Variants in PPM1E observed in about 807,000 individuals in gnomAD.
The protein encoded by PPM1E is protein phosphatase 1E.
PPM1E carries 20 observed loss-of-function variants against 65.9 expected under a neutral mutation model. The ratio of observed to expected loss-of-function variants is 0.30; its 90% confidence interval spans 0.21 to 0.44. The LOEUF (loss-of-function observed/expected upper bound fraction) is 0.44, where lower values mean the gene tolerates loss of function less well. PPM1E is among the 20% of genes least tolerant of loss of function. The pLI, the probability that PPM1E is intolerant of heterozygous loss-of-function variation, is 1.00. For synonymous variants in PPM1E, 352 were observed against 374.9 expected (o/e 0.94, Z 0.70); for missense variants, 713 against 953.1 (o/e 0.75, Z 3.32).
At chr17:58,907,252 A>AG (rs1417915462) in intron 1 of PPM1E, among the ~76,000 whole-genome samples, 1 of 152,170 alleles carries the variant, frequency 6.6e-6, no homozygotes, top group Non-Finnish European at 1.5e-5. Flanking sequence ...TCTAAAAAAA[A>AG]AAAAGAAAGA....
chr17:58,865,408 A>G (rs2050990664), intron 1 of PPM1E, among the ~76,000 whole-genome samples: 1 of 151,760 alleles, frequency 6.6e-6, no homozygotes, highest in African/African-American at 2.4e-5. Flanking sequence ...AAAACAAAAA[A>G]GATTATGCAA....
At chr17:58,845,265 A>T (rs1202330714) in intron 1 of PPM1E, among the ~76,000 whole-genome samples, 1 of 147,856 alleles carries the variant, frequency 6.8e-6, no homozygotes, top group African/African-American at 2.5e-5. Flanking sequence ...TTACAGATTC[A>T]TTCCTCTACA....
At chr17:58,821,034 A>G (rs1036013631) in intron 1 of PPM1E, among the ~76,000 whole-genome samples, 2 of 152,208 alleles carry the variant, frequency 1.3e-5, no homozygotes, top group African/African-American at 4.8e-5. Flanking sequence ...AGTTGTTCAC[A>G]TAAGTGATTA....
intron 1 of PPM1E, among the ~76,000 whole-genome samples, chr17:58,800,768 T>A (rs916133579): frequency 6.6e-6 from 1 of 152,170 alleles, no homozygotes; most frequent in Non-Finnish European, 1.5e-5. Context: ...GGTGATATCC[T>A]CTTTTATTCC....
At position 58,984,487 on chromosome 17, in the gene PPM1E, A is replaced by G. The variant is rs1209060208; in HGVS notation, c.*3456A>G. ...TAAACCTAATTTATTCACTCAGTGA[A>G]CATTCTTACCTAAGCAAGGCTATAA... On this transcript the variant is annotated 3_prime_UTR_variant, in exon 7 of 7. Coordinates refer to ENST00000308249, the MANE Select transcript of PPM1E (RefSeq NM_014906.5). The G allele has an allele frequency of 6.6e-6, 1 of 152,650 alleles. No homozygotes were observed. Among genetic ancestry groups the G allele is most frequent in the Non-Finnish European group, 1.5e-5 (1 of 68,044 alleles). The allele number at this position is 152,650 out of a possible 1,614,324, so 9.5% of individuals were successfully genotyped here.
At chr17:58,892,058 A>G (rs544951397) in intron 1 of PPM1E, among the ~76,000 whole-genome samples, 1 of 151,770 alleles carries the variant, frequency 6.6e-6, no homozygotes, top group East Asian at 1.9e-4. Context: ...CTGGTCTCAA[A>G]CTCCTGGACT....
At chr17:58,958,264 G>T (rs2029914784) in intron 2 of PPM1E, among the ~76,000 whole-genome samples, 1 of 151,490 alleles carries the variant, frequency 6.6e-6, no homozygotes, top group Non-Finnish European at 1.5e-5. Context: ...AGGCTGGAGG[G>T]CTGTGGGATG....
chr17:58,965,577 T>C, intron 2 of PPM1E, 117 bp from the exon 3 acceptor site: 1 of 962,296 alleles, frequency 1.0e-6, no homozygotes, highest in Non-Finnish European at 1.6e-6. Flanking sequence ...GAAGGATGAA[T>C]TTCTTCTATG....
intron 1 of PPM1E, among the ~76,000 whole-genome samples, chr17:58,768,367 A>G (rs761106739): frequency 2.0e-5 from 3 of 152,106 alleles, no homozygotes; most frequent in Non-Finnish European, 4.4e-5. Context: ...GGTATGAGCT[A>G]CCTTGCCTGG....
intron 1 of PPM1E, among the ~76,000 whole-genome samples, chr17:58,929,189 A>G (rs1008229207): frequency 6.6e-6 from 1 of 152,184 alleles, no homozygotes; most frequent in African/African-American, 2.4e-5. Context: ...TTGCTGAGTA[A>G]AAGAAGCCTT....
At chr17:58,767,805 G>A (rs554967076) in intron 1 of PPM1E, among the ~76,000 whole-genome samples, 1 of 152,074 alleles carries the variant, frequency 6.6e-6, no homozygotes, top group South Asian at 2.1e-4. Context: ...ACCACGCTGG[G>A]CTAATTTTGT....
chr17:58,854,557 G>A (rs1268200386), intron 1 of PPM1E, among the ~76,000 whole-genome samples: 2 of 151,962 alleles, frequency 1.3e-5, no homozygotes, highest in Non-Finnish European at 2.9e-5. Flanking sequence ...TTTCATATAT[G>A]ACTTTTATTA....
At chr17:58,866,967 C>T (rs902854541) in intron 1 of PPM1E, among the ~76,000 whole-genome samples, 1 of 152,010 alleles carries the variant, frequency 6.6e-6, no homozygotes, top group Non-Finnish European at 1.5e-5. Flanking sequence ...CTTAGAGGAG[C>T]CAAATTGGGG....
rs145116655 is a variant in PPM1E at position 58,823,329 on chromosome 17, G to A, written c.464+66868G>A. Among the ~76,000 whole-genome samples the A allele has an allele frequency of 6.6e-4, 101 of 152,266 alleles. 1 individual carries two copies. The highest frequency in any genetic ancestry group is 2.4e-3 in the African/African-American group (99 of 41,532). On this transcript the variant is annotated intron_variant, in intron 1 of 6. Coordinates refer to ENST00000308249, the MANE Select transcript of PPM1E (RefSeq NM_014906.5). ...AAAGTAATGGAAAAGAATCATGTGGGTATTTGCATGAAAGACAGACTTACT... is the reference window on the plus strand; with the variant it reads ...AAAGTAATGGAAAAGAATCATGTGGATATTTGCATGAAAGACAGACTTACT...
chr17:58,894,065 C>G (rs538780729), intron 1 of PPM1E, among the ~76,000 whole-genome samples: 1 of 151,860 alleles, frequency 6.6e-6, no homozygotes, highest in East Asian at 1.9e-4. Flanking sequence ...AGATCAAGAC[C>G]CTGTCTCAAA....
intron 1 of PPM1E, among the ~76,000 whole-genome samples, chr17:58,942,827 TA>T (rs1397628669): frequency 1.1e-5 from 1 of 87,786 alleles, no homozygotes; most frequent in Non-Finnish European, 2.4e-5. Context: ...AGTATAATAA[TA>T]AAAAAAAAGA....
chr17:58,827,992 G>A (rs188600291), intron 1 of PPM1E, among the ~76,000 whole-genome samples: 24 of 151,506 alleles, frequency 1.6e-4, no homozygotes, highest in African/African-American at 5.8e-4. Flanking sequence ...GTTGAGGTGG[G>A]CAGATCACCC....
At chr17:58,869,643 A>G (rs1312191884) in intron 1 of PPM1E, among the ~76,000 whole-genome samples, 1 of 152,186 alleles carries the variant, frequency 6.6e-6, no homozygotes, top group African/African-American at 2.4e-5. Flanking sequence ...GAACCAAATA[A>G]ACCTCTTTTC....
intron 1 of PPM1E, among the ~76,000 whole-genome samples, chr17:58,860,909 C>T (rs1355961611): frequency 1.3e-5 from 2 of 151,860 alleles, no homozygotes; most frequent in Non-Finnish European, 2.9e-5. Flanking sequence ...TGCACTCCAG[C>T]CTGGGCGACA....
Sources: gnomAD v4.1 joint callset for allele counts (sites outside exome capture counted in the v4.1 genomes callset) on GRCh38, gnomAD v4.1.1 for gene constraint, MANE v1.5 for transcripts, NCBI Gene and HGNC (gene_info 2026-07-23, HGNC 2026-07-21) for gene names.